The following PPCDC variants were observed in gnomAD, a reference collection of about 807,000 sequenced individuals.
PPCDC encodes phosphopantothenoylcysteine decarboxylase.
A neutral mutation model predicts 20.7 loss-of-function variants in PPCDC; 20 were observed. That is an observed-to-expected ratio of 0.97 (90% confidence interval 0.68 to 1.41). The LOEUF is 1.41. PPCDC is among the 40% of genes most tolerant of loss of function. The pLI, the probability that PPCDC is intolerant of heterozygous loss-of-function variation, is 0.00. For missense variants in PPCDC, 246 were observed against 263.8 expected (o/e 0.93, Z 0.47); for synonymous variants, 88 against 100.3 (o/e 0.88, Z 0.73).
At chr15:75,023,706 C>G (rs1450346891) in intron 1 of PPCDC, 80 bp downstream of exon 1, 1 of 152,354 alleles carries the variant, frequency 6.6e-6, no homozygotes, top group African/African-American at 2.4e-5. Context: ...TGTCCGCGAG[C>G]GTGGGTCCAC....
chr15:75,042,597 G>A (rs2066165866), intron 2 of PPCDC, among the ~76,000 whole-genome samples: 3 of 148,386 alleles, frequency 2.0e-5, no homozygotes, highest in African/African-American at 7.5e-5. Context: ...AGGTTGCGGT[G>A]AGCCGAGATC....
At chr15:75,024,868 T>C (rs2065943522) in intron 1 of PPCDC, among the ~76,000 whole-genome samples, 1 of 151,690 alleles carries the variant, frequency 6.6e-6, no homozygotes. Flanking sequence ...AGATTACTTA[T>C]AAAACCTGAT....
chr15:75,046,057 A>T (rs2066229528), intron 4 of PPCDC, among the ~76,000 whole-genome samples: 1 of 151,346 alleles, frequency 6.6e-6, no homozygotes, highest in Non-Finnish European at 1.5e-5. Flanking sequence ...CAAAACATAT[A>T]AAAAAAATTA....
rs891229229 is a variant in PPCDC at position 75,050,256 on chromosome 15, C to G, written c.*1021C>G. 4.6e-5 allele frequency: 7 copies of G among 152,218 alleles called. No individual in the cohort carries two copies. Among genetic ancestry groups the G allele is most frequent in the Non-Finnish European group, 7.3e-5 (5 of 68,052 alleles). The allele number at this position is 152,218 out of a possible 1,614,324, so 9.4% of individuals were successfully genotyped here. On this transcript the variant is annotated 3_prime_UTR_variant, in exon 6 of 6. Transcript: ENST00000342932. ...CAGGAGGGTTGACCCTGCCCTGGGT[C>G]CCAGGCCTCTTGCCTGCTTCTTGGT... is the stretch of plus-strand genomic sequence containing the variant.
In PPCDC at chr15:75,048,515, G is replaced by T. The variant is rs759906554; in HGVS notation, c.361-38G>T. 9 of 1,600,402 alleles carry T rather than the reference G, an allele frequency of 5.6e-6. No homozygotes were observed. The East Asian group carries it at 2.0e-4, about 36-fold the overall frequency. ...AGGGCGGTGGGGAGGGTGGCAGACA[G>T]AGTAGCAAGACCCCCACTTCCCTGG... On this transcript the variant is annotated intron_variant, in intron 4 of 5. Transcript: ENST00000342932.
Position 75,049,358 on chromosome 15 carries a change from C to G in PPCDC, c.*123C>G. 1.1e-6 allele frequency: 1 copy of G among 930,618 alleles called. No homozygotes were observed. Among genetic ancestry groups the G allele is most frequent in the East Asian group, 2.6e-5 (1 of 37,974 alleles). The allele number at this position is 930,618 out of a possible 1,614,324, so 57.6% of individuals were successfully genotyped here. A position where few individuals can be genotyped will look rare whatever the true frequency, so the allele number is the denominator to read the frequency against. ...TGCTGAATGGGGGACCTGCTCTGAGCCTGCCCAGGGGCCAGGCCTGCTCCA... is the reference window on the plus strand; with the variant it reads ...TGCTGAATGGGGGACCTGCTCTGAGGCTGCCCAGGGGCCAGGCCTGCTCCA... On this transcript the variant is annotated 3_prime_UTR_variant, in exon 6 of 6. Coordinates refer to ENST00000342932, the MANE Select transcript of PPCDC (RefSeq NM_021823.5).
chr15:75,048,565 CG>C lies in PPCDC; in HGVS notation c.376del (p.Ala126ProfsTer14). ...GCCTTCTTCACAGACCTGCGTCATG[CG>C]GGCCTGGGACCGCAGCAAGCCCCTG... ...ICDNLLTCVM[R>X]AWDRSKPLLF... On this transcript the variant is annotated frameshift_variant, in exon 5 of 6. Coordinates refer to ENST00000342932, the MANE Select transcript of PPCDC (RefSeq NM_021823.5). LOFTEE classifies it high-confidence loss of function. The C allele has an allele frequency of 6.2e-7, 1 of 1,613,746 alleles. No homozygotes were observed. The highest frequency in any genetic ancestry group is 8.5e-7 in the Non-Finnish European group (1 of 1,179,782).
chr15:75,029,797 G>A (rs2065999787), intron 2 of PPCDC, among the ~76,000 whole-genome samples: 1 of 152,186 alleles, frequency 6.6e-6, no homozygotes. Flanking sequence ...ACCCCCTGGG[G>A]AGGGAGGGAG....
Position 75,049,817 on chromosome 15 carries a change from AGGGTCTG to A in PPCDC, c.*585_*591del, listed in dbSNP as rs1037316390. 2.6e-5 allele frequency: 4 copies of A among 153,080 alleles called. No individual in the cohort carries two copies. The highest frequency in any genetic ancestry group is 6.5e-5 in the Admixed American group (1 of 15,360). 9.5% of individuals were successfully genotyped at this position (153,080 alleles called of 1,614,324 possible). A position where few individuals can be genotyped will look rare whatever the true frequency, so the allele number is the denominator to read the frequency against. Reference sequence around the variant, plus strand: ...GGGTGTTGCCAGGTGTGGCTGGGGAAGGGTCTGGGTTCACAACTCACCGGCACTCTTT... The same window carrying A: ...GGGTGTTGCCAGGTGTGGCTGGGGAAGGTTCACAACTCACCGGCACTCTTT... On this transcript the variant is annotated 3_prime_UTR_variant, in exon 6 of 6. Coordinates refer to ENST00000342932, the MANE Select transcript of PPCDC (RefSeq NM_021823.5).
Position 75,044,494 on chromosome 15 carries a change from G to A in PPCDC, c.340G>A (p.Gly114Ser). ...DANTLGKVAS[G>S]ICDNLLTCVM... ...CAACACTCTGGGGAAGGTGGCCAGT[G>A]GCATCTGTGACAACTTGCTTGTGAG... The change falls in exon 4 of 6, where the codon GGC becomes AGC. Residue 114 changes from glycine to serine, a missense_variant. Around this residue, in one of 2 missense-constraint regions of PPCDC, gnomAD observed 225 missense variants for 222.6 expected, o/e 1.01. Transcript: ENST00000342932. 3.1e-6 allele frequency: 5 copies of A among 1,614,106 alleles called. No individual in the cohort carries two copies. Among genetic ancestry groups the A allele is most frequent in the Non-Finnish European group, 4.2e-6 (5 of 1,179,970 alleles).
At chr15:75,032,483 G>A (rs896467645) in intron 2 of PPCDC, among the ~76,000 whole-genome samples, 3 of 152,186 alleles carry the variant, frequency 2.0e-5, no homozygotes, top group African/African-American at 7.2e-5. Flanking sequence ...TAAACTCTGT[G>A]GGGTGTATTT....
At position 75,049,334 on chromosome 15, in the gene PPCDC, G is replaced by A; in HGVS notation, c.*99G>A. 1 of 1,139,592 alleles carries A rather than the reference G, an allele frequency of 8.8e-7. No homozygotes were observed. The highest frequency in any genetic ancestry group is 1.3e-6 in the Non-Finnish European group (1 of 777,230). The allele number at this position is 1,139,592 out of a possible 1,614,324, so 70.6% of individuals were successfully genotyped here. A position where few individuals can be genotyped will look rare whatever the true frequency, so the allele number is the denominator to read the frequency against. Reference sequence around the variant, plus strand: ...GCAAAATAGGAGGATACCCTCATTTGCTGAATGGGGGACCTGCTCTGAGCC... The same window carrying A: ...GCAAAATAGGAGGATACCCTCATTTACTGAATGGGGGACCTGCTCTGAGCC... On this transcript the variant is annotated 3_prime_UTR_variant, in exon 6 of 6. Coordinates refer to ENST00000342932, the MANE Select transcript of PPCDC (RefSeq NM_021823.5).
chr15:75,040,685 G>A (rs577895979), intron 2 of PPCDC, among the ~76,000 whole-genome samples: 12 of 151,588 alleles, frequency 7.9e-5, no homozygotes, highest in African/African-American at 2.4e-4. Flanking sequence ...TTGGAGTTAG[G>A]GTCTCACCCT....
intron 2 of PPCDC, among the ~76,000 whole-genome samples, chr15:75,039,899 C>T (rs1261690936): frequency 7.2e-5 from 11 of 152,110 alleles, no homozygotes; most frequent in Non-Finnish European, 1.3e-4. Flanking sequence ...ATTCTCCTGC[C>T]TCAGCCTCCC....
At chr15:75,039,029 G>A (rs2141488755) in intron 2 of PPCDC, among the ~76,000 whole-genome samples, 1 of 151,914 alleles carries the variant, frequency 6.6e-6, no homozygotes, top group South Asian at 2.1e-4. Flanking sequence ...TCATCTTTAA[G>A]TTTTCTTCTC....
rs149921775 is a variant in PPCDC, at chr15:75,044,398, C to T, written c.244C>T (p.Arg82Cys). 175 of 1,613,978 alleles carry T rather than the reference C, an allele frequency of 1.1e-4. No homozygotes were observed. In the African/African-American group the frequency reaches 1.9e-3, roughly 18 times the overall value. The change falls in exon 4 of 6, where the codon CGC becomes TGC. Residue 82 changes from arginine (R) to cysteine (C), a missense_variant. Transcript: ENST00000342932. ...TTCCCTCTGCCAGATATGGAAGAGC[C>T]GCTCTGACCCAGTTCTGCACATTGA... ...DADEWEIWKS[R>C]SDPVLHIDLR...
At chr15:75,040,993 C>G (rs1466412712) in intron 2 of PPCDC, among the ~76,000 whole-genome samples, 1 of 152,194 alleles carries the variant, frequency 6.6e-6, no homozygotes, top group African/African-American at 2.4e-5. Flanking sequence ...ATCATATATT[C>G]TCTCTGCTTC....
In PPCDC at chr15:75,048,644, A is replaced by G. The variant is rs748779178; in HGVS notation, c.452A>G (p.Gln151Arg). ...TAMWEHPITA[Q>R]QVDQLKAFGY... The stretch of plus-strand genomic sequence containing the variant: ...ATGTGGGAGCACCCGATCACAGCGC[A>G]GCAGGTAGACCAGCTCAAGGCCTTT... The change falls in exon 5 of 6, where the codon CAG becomes CGG. Residue 151 changes from glutamine (Q) to arginine (R), a missense_variant. This residue lies in a region of PPCDC where 225 missense variants were observed against 222.6 expected (regional missense o/e 1.01). Coordinates refer to ENST00000342932, the MANE Select transcript of PPCDC (RefSeq NM_021823.5). 7.0e-5 allele frequency: 113 copies of G among 1,614,244 alleles called. No individual in the cohort carries two copies. In the Admixed American group the frequency reaches 1.1e-3, roughly 16 times the overall value.
intron 1 of PPCDC, among the ~76,000 whole-genome samples, chr15:75,026,323 G>A (rs886579829): frequency 4.6e-5 from 7 of 152,184 alleles, no homozygotes; most frequent in African/African-American, 1.4e-4. Context: ...GAAGCTGGCT[G>A]GTAGCCCTTC....
Sources: gnomAD v4.1 joint callset for allele counts (sites outside exome capture counted in the v4.1 genomes callset) on GRCh38, gnomAD v4.1.1 for gene constraint, gnomAD v4.1.1 regional missense constraint, MANE v1.5 for transcripts, NCBI Gene and HGNC (gene_info 2026-07-23, HGNC 2026-07-21) for gene names.